The following DLG2 variants were observed in gnomAD, a reference collection of about 807,000 sequenced individuals.
DLG2 encodes discs large MAGUK scaffold protein 2.
A neutral mutation model predicts 132.5 loss-of-function variants in DLG2; 45 were observed. The observed-to-expected ratio is 0.34, with a 90% CI of 0.27 to 0.44. The LOEUF (loss-of-function observed/expected upper bound fraction) is 0.44. Ranked by LOEUF, DLG2 falls within the 20% of genes least tolerant of loss-of-function variation. The pLI, the probability that DLG2 is intolerant of heterozygous loss-of-function variation, is 1.00. For missense variants in DLG2, 1,045 were observed against 1,196.9 expected (o/e 0.87, Z 1.87); for synonymous variants, 424 against 419.6 (o/e 1.01, Z -0.13).
intron 26 of DLG2, among the ~76,000 whole-genome samples, chr11:83,462,800 A>G (rs993614081): frequency 1.7e-4 from 26 of 152,314 alleles, no homozygotes; most frequent in African/African-American, 5.5e-4. Flanking sequence ...AAAAATTTGT[A>G]CAACTATTAT....
chr11:83,649,109 C>G (rs2069205021), intron 18 of DLG2, among the ~76,000 whole-genome samples: 1 of 151,914 alleles, frequency 6.6e-6, no homozygotes, highest in Admixed American at 6.6e-5. Flanking sequence ...ATGGACTGCT[C>G]AATAGAAGTA....
intron 3 of DLG2, among the ~76,000 whole-genome samples, chr11:85,544,899 T>C (rs1414096758): frequency 6.6e-6 from 1 of 152,180 alleles, no homozygotes; most frequent in Non-Finnish European, 1.5e-5. Flanking sequence ...GGTGAGATGA[T>C]GGGGTTTTCT....
At position 83,679,070 on chromosome 11, in the gene DLG2, A is replaced by T. The variant is rs114380668; in HGVS notation, c.1826-45745T>A. Among the ~76,000 whole-genome samples the T allele has an allele frequency of 9.2e-3, 1,397 of 152,300 alleles. 22 individuals are homozygous for T. The highest frequency in any genetic ancestry group is 0.031 in the African/African-American group (1,279 of 41,570). ...TGAAGAGCTGGGCAAACTCTATTGC[A>T]TACTTCCAACATGTTGGTCATCGTG... is the stretch of plus-strand genomic sequence containing the variant. On this transcript the variant is annotated intron_variant, in intron 18 of 27. Transcript: ENST00000376104.
chr11:84,534,799 T>A (rs773647767), intron 6 of DLG2, 68 bp from the exon 7 acceptor site: 1 of 1,546,550 alleles, frequency 6.5e-7, no homozygotes, highest in East Asian at 2.2e-5. Flanking sequence ...AGACTGAACT[T>A]CATATTCTAA....
intron 6 of DLG2, among the ~76,000 whole-genome samples, chr11:84,943,868 A>G (rs1431124660): frequency 1.3e-5 from 2 of 152,148 alleles, no homozygotes; most frequent in African/African-American, 4.8e-5. Flanking sequence ...CTTATTGATC[A>G]TTAATGTCCT....
chr11:83,929,096 A>G (rs188642189), intron 15 of DLG2, among the ~76,000 whole-genome samples: 90 of 152,318 alleles, frequency 5.9e-4, no homozygotes, highest in Non-Finnish European at 1.1e-3. Context: ...AAAATGCCCT[A>G]GCTGATTTAC....
At chr11:84,840,198 T>G (rs1307476571) in intron 6 of DLG2, among the ~76,000 whole-genome samples, 1 of 152,150 alleles carries the variant, frequency 6.6e-6, no homozygotes, top group Non-Finnish European at 1.5e-5. Context: ...CAGGTGCTTC[T>G]CAAAAGAAGA....
intron 6 of DLG2, among the ~76,000 whole-genome samples, chr11:84,695,051 C>T (rs1432473680): frequency 1.3e-5 from 2 of 151,442 alleles, no homozygotes; most frequent in African/African-American, 4.8e-5. Flanking sequence ...ATGGTCAAAG[C>T]TTCTATAAGA....
chr11:84,422,801 A>G (rs2098955039), intron 7 of DLG2, among the ~76,000 whole-genome samples: 1 of 152,208 alleles, frequency 6.6e-6, no homozygotes, highest in African/African-American at 2.4e-5. Context: ...CAGTGACCAC[A>G]TGGCATAGCT....
At chr11:84,538,851 C>A (rs2099361640) in intron 6 of DLG2, among the ~76,000 whole-genome samples, 1 of 152,042 alleles carries the variant, frequency 6.6e-6, no homozygotes. Flanking sequence ...TTTGAGTCTT[C>A]AGCCTATGAC....
intron 6 of DLG2, among the ~76,000 whole-genome samples, chr11:84,803,915 C>A (rs1220857443): frequency 6.6e-6 from 1 of 152,156 alleles, no homozygotes; most frequent in Non-Finnish European, 1.5e-5. Context: ...TTTCCTAGAA[C>A]AGAGCCTGAT....
intron 15 of DLG2, among the ~76,000 whole-genome samples, chr11:83,887,683 T>C (rs937189877): frequency 6.6e-6 from 1 of 150,646 alleles, no homozygotes; most frequent in African/African-American, 2.4e-5. Context: ...TGATGAACAT[T>C]GATGCAAAAA....
At chr11:83,870,659 G>C (rs562318834) in intron 16 of DLG2, among the ~76,000 whole-genome samples, 155 of 152,306 alleles carry the variant, frequency 1.0e-3, no homozygotes, top group Non-Finnish European at 2.0e-3. Flanking sequence ...TGCTACAGAA[G>C]AGTGATTCAA....
At chr11:84,142,853 G>T (rs1281488209) in intron 9 of DLG2, among the ~76,000 whole-genome samples, 2 of 151,976 alleles carry the variant, frequency 1.3e-5, no homozygotes, top group Non-Finnish European at 2.9e-5. Context: ...GACTTTCTTA[G>T]TTCTCTGGAT....
chr11:84,755,610 A>T (rs2066764706), intron 6 of DLG2, among the ~76,000 whole-genome samples: 1 of 152,176 alleles, frequency 6.6e-6, no homozygotes, highest in South Asian at 2.1e-4. Context: ...TTTTTAGTGG[A>T]GACGGGGTTA....
intron 3 of DLG2, among the ~76,000 whole-genome samples, chr11:85,527,707 T>C (rs1218250356): frequency 6.6e-6 from 1 of 152,246 alleles, no homozygotes; most frequent in African/African-American, 2.4e-5. Flanking sequence ...TTTGGGTATA[T>C]ACCCATTAAT....
chr11:85,323,880 T>C (rs1435882717), intron 3 of DLG2, among the ~76,000 whole-genome samples: 1 of 152,230 alleles, frequency 6.6e-6, no homozygotes, highest in Non-Finnish European at 1.5e-5. Flanking sequence ...TATATACCAC[T>C]TTTTTTAAAT....
At chr11:84,828,639 T>C (rs957016202) in intron 6 of DLG2, among the ~76,000 whole-genome samples, 1 of 151,758 alleles carries the variant, frequency 6.6e-6, no homozygotes, top group East Asian at 2.0e-4. Flanking sequence ...GAATTCTCCT[T>C]TGGTGAGAGT....
At position 84,448,035 on chromosome 11, in the gene DLG2, G is replaced by A. The variant is rs138577573; in HGVS notation, c.519+86535C>T. Among the ~76,000 whole-genome samples, 36 of 152,208 alleles carry A rather than the reference G, an allele frequency of 2.4e-4. No individual in the cohort carries two copies. In the East Asian group the frequency reaches 6.2e-3, roughly 26 times the overall value. On this transcript the variant is annotated intron_variant, in intron 7 of 27. Coordinates refer to ENST00000376104, the MANE Select transcript of DLG2 (RefSeq NM_001142699.3). The stretch of plus-strand genomic sequence containing the variant: ...GCCATTTTTTTGAAACAGCTACACA[G>A]TGCTAAAGATGCCTAATTTAATAAT...
Sources: gnomAD v4.1 joint callset for allele counts (sites outside exome capture counted in the v4.1 genomes callset) on GRCh38, gnomAD v4.1.1 for gene constraint, MANE v1.5 for transcripts, NCBI Gene and HGNC (gene_info 2026-07-23, HGNC 2026-07-21) for gene names.